The following DGKI variants were observed in gnomAD, a reference collection of about 807,000 sequenced individuals.
DGKI encodes the protein diacylglycerol kinase iota.
DGKI carries 55 observed loss-of-function variants against 147.5 expected under a neutral mutation model. That is an observed-to-expected ratio of 0.37 (90% CI 0.30 to 0.47). The LOEUF (loss-of-function observed/expected upper bound fraction) is 0.47, where lower values mean the gene tolerates loss of function less well. Ranked by LOEUF, DGKI falls within the 20% of genes least tolerant of loss-of-function variation. DGKI has a pLI of 1.00. For missense variants in DGKI, 1,007 were observed against 1,323.8 expected, an observed-to-expected ratio of 0.76 and a Z score of 3.71; for synonymous variants, 469 against 477.1, an observed-to-expected ratio of 0.98 and a Z score of 0.22.
intron 27 of DGKI, among the ~76,000 whole-genome samples, chr7:137,461,783 G>A (rs1351612614): frequency 6.6e-6 from 1 of 152,076 alleles, no homozygotes. Flanking sequence ...CTACTCTAGG[G>A]CATTTTAGAA....
chr7:137,556,310 A>G (rs919525922), intron 19 of DGKI, among the ~76,000 whole-genome samples: 4 of 152,126 alleles, frequency 2.6e-5, no homozygotes, highest in Non-Finnish European at 5.9e-5. Context: ...CAAGAAACAA[A>G]GTTATCCATC....
intron 7 of DGKI, among the ~76,000 whole-genome samples, chr7:137,621,388 C>G (rs1191772584): frequency 1.3e-5 from 2 of 152,144 alleles, no homozygotes; most frequent in Non-Finnish European, 2.9e-5. Flanking sequence ...AATCTCCACT[C>G]TAGAGACTCA....
intron 1 of DGKI, among the ~76,000 whole-genome samples, chr7:137,723,930 G>A (rs1287641691): frequency 6.6e-6 from 1 of 151,690 alleles, no homozygotes; most frequent in African/African-American, 2.4e-5. Context: ...GGATAGTCTC[G>A]ATCTCCTGAC....
chr7:137,481,576 A>G (rs550521206), intron 23 of DGKI, among the ~76,000 whole-genome samples: 3 of 152,228 alleles, frequency 2.0e-5, no homozygotes, highest in African/African-American at 7.2e-5. Flanking sequence ...GGCTATAAAT[A>G]TCTAACACAT....
chr7:137,703,968 T>A (rs770939552), intron 1 of DGKI, among the ~76,000 whole-genome samples: 16 of 152,192 alleles, frequency 1.1e-4, no homozygotes, highest in Non-Finnish European at 1.9e-4. Context: ...CCCAGCACTT[T>A]GGGAGGCTAA....
chr7:137,436,805 C>T (rs1422310047), intron 28 of DGKI, among the ~76,000 whole-genome samples: 1 of 151,928 alleles, frequency 6.6e-6, no homozygotes, highest in African/African-American at 2.4e-5. Context: ...AATATAAGAA[C>T]CAATCTGAGT....
chr7:137,804,221 T>C lies in DGKI; in HGVS notation c.401+42241A>G, dbSNP rs1410980707. Among the ~76,000 whole-genome samples, 3 of 152,206 alleles carry C rather than the reference T, an allele frequency of 2.0e-5. No individual in the cohort carries two copies. In the East Asian group the frequency reaches 5.8e-4, roughly 29 times the overall value. On this transcript the variant is annotated intron_variant, in intron 1 of 32. Transcript: ENST00000614521. The stretch of plus-strand genomic sequence containing the variant: ...ACTTCCATCTCTTCCCCCTCTCTAC[T>C]GGATATGTGAGCTTGTGCAGTTATT...
chr7:137,422,828 T>C (rs1228693132), intron 28 of DGKI, among the ~76,000 whole-genome samples: 1 of 151,940 alleles, frequency 6.6e-6, no homozygotes, highest in Non-Finnish European at 1.5e-5. Flanking sequence ...ATGGTCTCGA[T>C]CTCCTGACCT....
intron 5 of DGKI, among the ~76,000 whole-genome samples, chr7:137,654,077 C>G (rs1007709945): frequency 3.3e-5 from 5 of 152,174 alleles, no homozygotes; most frequent in African/African-American, 1.2e-4. Context: ...CCTCTGCTTC[C>G]CACTAACACA....
chr7:137,616,907 T>C (rs1820551207), intron 8 of DGKI, among the ~76,000 whole-genome samples: 1 of 151,538 alleles, frequency 6.6e-6, no homozygotes, highest in African/African-American at 2.4e-5. Context: ...AGAGTGAAAA[T>C]TGGAAAACGA....
chr7:137,678,494 G>A, intron 3 of DGKI, 63 bp downstream of exon 3: 2 of 1,508,698 alleles, frequency 1.3e-6, no homozygotes, highest in Non-Finnish European at 1.8e-6. Flanking sequence ...ATTTAGGCAA[G>A]GTGACCCCTC....
chr7:137,580,006 T>C (rs1163089818), intron 15 of DGKI, among the ~76,000 whole-genome samples: 1 of 152,148 alleles, frequency 6.6e-6, no homozygotes, highest in African/African-American at 2.4e-5. Flanking sequence ...CTCACTCTGA[T>C]GCATAGAAAC....
intron 20 of DGKI, among the ~76,000 whole-genome samples, chr7:137,528,592 T>C (rs983721510): frequency 1.3e-5 from 2 of 152,200 alleles, no homozygotes; most frequent in Admixed American, 6.5e-5. Context: ...ATAGGATATG[T>C]TACAGCTTAC....
intron 11 of DGKI, among the ~76,000 whole-genome samples, 187 bp from the exon 12 acceptor site, chr7:137,598,094 G>T (rs975948785): frequency 6.6e-6 from 1 of 152,200 alleles, no homozygotes; most frequent in South Asian, 2.1e-4. Context: ...AGTGGAACAG[G>T]TGTAGGCATC....
chr7:137,405,723 T>C (rs4728409), intron 30 of DGKI, among the ~76,000 whole-genome samples: 33,794 of 151,930 alleles, frequency 0.22, 4,415 homozygotes, highest in Middle Eastern at 0.31. Context: ...GAGCTTCCAC[T>C]CTCACCCCTG....
In DGKI at chr7:137,846,818, C is replaced by G. The variant is rs1272858497; in HGVS notation, c.45G>C (p.Ala15=). Residue 15 remains alanine, a synonymous_variant, in exon 1 of 33, where the codon GCG becomes GCC. Coordinates refer to ENST00000614521, the MANE Select transcript of DGKI (RefSeq NM_001321708.2). The surrounding 1 kb of genome is among the most constrained non-coding windows in gnomAD (Gnocchi z 4.0). ...CAGGAGCGCGGGCAGGTCCGCGCGC[C>G]GCTGGCAGGGGCAGCAAATGGCAGC... is the stretch of plus-strand genomic sequence containing the variant. The part of the protein sequence containing the change: ...GRGCHLLPLP[A]ARGPARAPAA... 1 of 1,147,454 alleles carries G rather than the reference C, an allele frequency of 8.7e-7. No homozygotes were observed. The highest frequency in any genetic ancestry group is 1.1e-6 in the Non-Finnish European group (1 of 933,900). 71.1% of individuals were successfully genotyped at this position (1,147,454 alleles called of 1,614,324 possible). A position where few individuals can be genotyped will look rare whatever the true frequency, so the allele number is the denominator to read the frequency against.
chr7:137,711,024 G>A (rs183049887), intron 1 of DGKI, among the ~76,000 whole-genome samples: 20 of 152,068 alleles, frequency 1.3e-4, no homozygotes, highest in East Asian at 1.9e-4. Context: ...ATTCATCCCC[G>A]TCCTCCTCCT....
At chr7:137,791,709 T>A (rs948533932) in intron 1 of DGKI, among the ~76,000 whole-genome samples, 4 of 152,218 alleles carry the variant, frequency 2.6e-5, no homozygotes, top group Non-Finnish European at 5.9e-5. Flanking sequence ...TTTAATTCCA[T>A]TCCCTAACTC....
At chr7:137,512,764 T>C (rs1816620848) in intron 21 of DGKI, among the ~76,000 whole-genome samples, 2 of 152,170 alleles carry the variant, frequency 1.3e-5, no homozygotes, top group South Asian at 4.1e-4. Flanking sequence ...ACTTCTAATA[T>C]AGCACAGCAC....
Sources: allele counts gnomAD v4.1 joint callset (sites outside exome capture counted in the v4.1 genomes callset), GRCh38; gene constraint gnomAD v4.1.1; non-coding constraint Gnocchi (gnomAD v3.1); transcripts MANE v1.5; gene names NCBI Gene and HGNC (gene_info 2026-07-23, HGNC 2026-07-21).